VEZT: variants seen among roughly 807,000 people sequenced by gnomAD.
The protein encoded by VEZT is vezatin.
Under a neutral mutation model 79.9 loss-of-function variants are expected in VEZT, and 39 were observed. The ratio of observed to expected loss-of-function variants is 0.49; its 90% CI spans 0.38 to 0.64. VEZT has a LOEUF of 0.64. Ranked by LOEUF, VEZT falls within the 30% of genes least tolerant of loss-of-function variation. The pLI is 0.00. For synonymous variants in VEZT, 325 were observed against 327.6 expected (o/e 0.99, Z 0.09); for missense variants, 837 against 893.1 (o/e 0.94, Z 0.80).
At chr12:95,261,937 C>T (rs186864713) in intron 3 of VEZT, among the ~76,000 whole-genome samples, 1 of 152,254 alleles carries the variant, frequency 6.6e-6, no homozygotes, top group Admixed American at 6.5e-5. Context: ...AACAGTGCTA[C>T]CTCATCTCTC....
chr12:95,266,020 T>A (rs926717138), intron 4 of VEZT, among the ~76,000 whole-genome samples: 3 of 152,188 alleles, frequency 2.0e-5, no homozygotes, highest in African/African-American at 4.8e-5. Flanking sequence ...AGAGGCCTTT[T>A]GTTGGTTCTG....
At chr12:95,224,129 A>T (rs920248289) in intron 1 of VEZT, 1 of 455,614 alleles carries the variant, frequency 2.2e-6, no homozygotes, top group South Asian at 1.6e-5. Context: ...TTCCACCCTG[A>T]TCATTATGGA....
At chr12:95,263,481 C>G (rs2064927447) in intron 4 of VEZT, among the ~76,000 whole-genome samples, 1 of 152,086 alleles carries the variant, frequency 6.6e-6, no homozygotes, top group South Asian at 2.1e-4. Context: ...AAAATCCCAT[C>G]TCTACAAAAC....
intron 3 of VEZT, among the ~76,000 whole-genome samples, chr12:95,257,505 T>C (rs1223853107): frequency 6.6e-6 from 1 of 152,210 alleles, no homozygotes; most frequent in African/African-American, 2.4e-5. Flanking sequence ...TCTTCCTCCA[T>C]TGACAGGTAT....
chr12:95,243,745 G>A (rs2061352730), intron 1 of VEZT, among the ~76,000 whole-genome samples: 1 of 152,188 alleles, frequency 6.6e-6, no homozygotes, highest in Non-Finnish European at 1.5e-5. Flanking sequence ...AGGTCACGAG[G>A]CTCCACTTTC....
chr12:95,260,404 T>A (rs2064230654), intron 3 of VEZT, among the ~76,000 whole-genome samples: 1 of 152,064 alleles, frequency 6.6e-6, no homozygotes, highest in Non-Finnish European at 1.5e-5. Flanking sequence ...CAGTGCCCAG[T>A]GGGTTTGTCA....
intron 9 of VEZT, 79 bp from the exon 10 acceptor site, chr12:95,294,193 G>T (rs2073640645): frequency 8.2e-7 from 1 of 1,221,150 alleles, no homozygotes; most frequent in Non-Finnish European, 1.2e-6. Flanking sequence ...GGCCCCAAGG[G>T]TGTTTTTAAT....
intron 1 of VEZT, among the ~76,000 whole-genome samples, chr12:95,239,981 AGG>A (rs1491313237): frequency 6.9e-5 from 9 of 129,854 alleles, no homozygotes; most frequent in Non-Finnish European, 1.4e-4. Flanking sequence ...AGAGAGAGAG[AGG>A]AGAGAGAGAG....
chr12:95,281,550 A>ATT (rs35223035), intron 7 of VEZT, among the ~76,000 whole-genome samples: 8 of 145,386 alleles, frequency 5.5e-5, no homozygotes, highest in South Asian at 2.2e-4. Context: ...TGGAGTATTG[A>ATT]TTTTTTTTTT....
At chr12:95,298,685 T>C (rs932585931) in intron 11 of VEZT, among the ~76,000 whole-genome samples, 5 of 152,202 alleles carry the variant, frequency 3.3e-5, no homozygotes, top group African/African-American at 7.2e-5. Context: ...CACTCGTCAA[T>C]TGATCCTCTC....
At chr12:95,267,595 A>G (rs2065779268) in intron 5 of VEZT, among the ~76,000 whole-genome samples, 1 of 152,124 alleles carries the variant, frequency 6.6e-6, no homozygotes, top group Non-Finnish European at 1.5e-5. Context: ...TGAGATAAAC[A>G]CTGTTTCTAA....
At chr12:95,244,718 C>T (rs189055801) in intron 1 of VEZT, among the ~76,000 whole-genome samples, 12 of 151,434 alleles carry the variant, frequency 7.9e-5, no homozygotes, top group Admixed American at 7.2e-4. Context: ...CAGTCTCCTG[C>T]CTCTCACCTT....
At chr12:95,273,577 A>G (rs2067063221) in intron 6 of VEZT, among the ~76,000 whole-genome samples, 1 of 152,234 alleles carries the variant, frequency 6.6e-6, no homozygotes, top group East Asian at 1.9e-4. Flanking sequence ...ATTCAAAAAC[A>G]AAGTGAATTT....
At chr12:95,239,640 G>C (rs2137234150) in intron 1 of VEZT, among the ~76,000 whole-genome samples, 2 of 152,194 alleles carry the variant, frequency 1.3e-5, no homozygotes, top group East Asian at 3.9e-4. Context: ...AGAGCTCGGA[G>C]GGTTCAGACA....
intron 8 of VEZT, among the ~76,000 whole-genome samples, chr12:95,283,035 A>G (rs1368685927): frequency 6.6e-6 from 1 of 152,218 alleles, no homozygotes; most frequent in African/African-American, 2.4e-5. Context: ...GGAACAGTAT[A>G]TATGTTATAT....
At chr12:95,271,855 G>A (rs536996272) in intron 6 of VEZT, among the ~76,000 whole-genome samples, 8 of 152,262 alleles carry the variant, frequency 5.3e-5, no homozygotes, top group East Asian at 1.9e-4. Flanking sequence ...CCTTATTCTC[G>A]TGGAGCTTAC....
intron 1 of VEZT, among the ~76,000 whole-genome samples, chr12:95,227,628 A>T (rs1034859231): frequency 2.0e-5 from 3 of 152,102 alleles, no homozygotes; most frequent in Non-Finnish European, 1.5e-5. Flanking sequence ...GGCATGAGCC[A>T]CCATGCCCGG....
At chr12:95,286,174 T>G in intron 8 of VEZT, 1 of 232,540 alleles carries the variant, frequency 4.3e-6, no homozygotes, top group Non-Finnish European at 8.4e-6. Context: ...TATACTTTTG[T>G]AGAGACGGAG....
chr12:95,248,835 A>AG (rs1566080907), intron 1 of VEZT, among the ~76,000 whole-genome samples: 2 of 145,558 alleles, frequency 1.4e-5, no homozygotes, highest in Admixed American at 1.3e-4. Context: ...AAAAAAAAAA[A>AG]AAAGAAAGAA....
Sources: allele counts gnomAD v4.1 joint callset (sites outside exome capture counted in the v4.1 genomes callset), GRCh38; gene constraint gnomAD v4.1.1; transcripts MANE v1.5; gene names NCBI Gene and HGNC (gene_info 2026-07-23, HGNC 2026-07-21).